SPATA31D1: variants seen among roughly 807,000 people sequenced by gnomAD.
SPATA31D1 encodes the protein SPATA31 subfamily D member 1.
Under a neutral mutation model 13.2 loss-of-function variants are expected in SPATA31D1, and 6 were observed. That is an observed-to-expected ratio of 0.46 (90% CI 0.25 to 0.90). The LOEUF (loss-of-function observed/expected upper bound fraction) is 0.90. Ranked by LOEUF, SPATA31D1 falls within the 40% of genes least tolerant of loss-of-function variation. The pLI, the probability that SPATA31D1 is intolerant of heterozygous loss-of-function variation, is 0.18. For missense variants in SPATA31D1, 2,445 were observed against 1,884.7 expected (o/e 1.30, Z -5.50); for synonymous variants, 903 against 718.8 (o/e 1.26, Z -4.10).
Position 81,990,435 on chromosome 9 carries a change from G to C in SPATA31D1, c.251G>C (p.Ser84Thr), listed in dbSNP as rs367877053. Residue 84 changes from serine (S) to threonine (T), a missense_variant, in exon 3 of 4, where the codon AGT (serine) becomes ACT (threonine). By Grantham distance (58) the Ser-to-Thr change is moderately conservative (BLOSUM62 1). Transcript: ENST00000344803. ...TATTCAGGTTTCCCAGACTGGAAAA[G>C]TTTCCAGAGAGAAGAGGAAGAGGAA... Reference protein sequence around the residue: ...GTFKGFPDWKSFQREEEEERK... With the variant: ...GTFKGFPDWKTFQREEEEERK... 2.1e-4 allele frequency: 340 copies of C among 1,608,074 alleles called. No individual in the cohort carries two copies. The highest frequency in any genetic ancestry group is 2.7e-4 in the Non-Finnish European group (320 of 1,177,174).
At chr9:81,988,035 T>TCCACCAATCAACTATTAATTCCAGAGGCC (rs1824885414), upstream of SPATA31D1, among the ~76,000 whole-genome samples, 1 of 152,198 alleles carries the variant, frequency 6.6e-6, no homozygotes, top group South Asian at 2.1e-4. Context: ...CCGCTTTCCT[T>TCCACCAATCAACTATTAATTCCAGAGGCC]CCACCAATCA....
At position 81,994,823 on chromosome 9, in the gene SPATA31D1, A is replaced by G. The variant is rs1825064354; in HGVS notation, c.4353A>G (p.Ala1451=). The part of the protein sequence containing the change: ...AQHNPEVHVR[A]EPVQGCPCNY... ...ACAACCCAGAAGTGCATGTCAGAGC[A>G]GAGCCTGTCCAGGGCTGTCCCTGCA... The change falls in exon 4 of 4, where the codon GCA becomes GCG. Residue 1451 remains alanine (A), a synonymous_variant. Coordinates refer to ENST00000344803, the MANE Select transcript of SPATA31D1 (RefSeq NM_001001670.3). The G allele has an allele frequency of 6.2e-7, 1 of 1,613,992 alleles. No homozygotes were observed. The highest frequency in any genetic ancestry group is 8.5e-7 in the Non-Finnish European group (1 of 1,179,878).
rs770278969 is a variant in SPATA31D1, at chr9:81,992,015, G to C, written c.1545G>C (p.Leu515=). Residue 515 remains leucine (L), a synonymous_variant, in exon 4 of 4, where the codon CTG becomes CTC. Transcript: ENST00000344803. The stretch of plus-strand genomic sequence containing the variant: ...TCCCATCTTTGCACAGCGAGTCTCT[G>C]CATCCTACTGTTCTTGTCCAACGTG... ...WGLPSLHSES[L]HPTVLVQRGH... 1.9e-6 allele frequency: 3 copies of C among 1,613,756 alleles called. No individual in the cohort carries two copies. Among genetic ancestry groups the C allele is most frequent in the South Asian group, 2.2e-5 (2 of 91,068 alleles).
chr9:81,993,712 C>T lies in SPATA31D1; in HGVS notation c.3242C>T (p.Thr1081Ile), dbSNP rs1825031288. The change falls in exon 4 of 4, where the codon ACA (threonine) becomes ATA (isoleucine). Residue 1081 changes from threonine (T) to isoleucine (I), a missense_variant. By Grantham distance (89) the Thr-to-Ile change is moderately conservative (BLOSUM62 -1). Coordinates refer to ENST00000344803, the MANE Select transcript of SPATA31D1 (RefSeq NM_001001670.3). ...AATGATCTTACAGAAAGTGTCCGGA[C>T]AACAGAGGATGGCAGACAGACTTTT... is the stretch of plus-strand genomic sequence containing the variant. ...TDNDLTESVRTTEDGRQTFLP... is the reference protein window; with the variant it reads ...TDNDLTESVRITEDGRQTFLP... 6.2e-7 allele frequency: 1 copy of T among 1,613,868 alleles called. No homozygotes were observed. The highest frequency in any genetic ancestry group is 1.1e-5 in the South Asian group (1 of 91,082).
Position 81,990,469 on chromosome 9 carries a change from G to T in SPATA31D1, c.285G>T (p.Leu95=), listed in dbSNP as rs369571227. Residue 95 remains leucine (L), a synonymous_variant, in exon 3 of 4, where the codon CTG becomes CTT. Coordinates refer to ENST00000344803, the MANE Select transcript of SPATA31D1 (RefSeq NM_001001670.3). ...GAGAAGAGGAAGAGGAAAGGAAGCT[G>T]CTTTCTCTTCTGAAAAGGTGATTAA... The part of the protein sequence containing the change: ...FQREEEEERK[L]LSLLKSFGPP... 5 of 1,607,338 alleles carry T rather than the reference G, an allele frequency of 3.1e-6. No homozygotes were observed. Among genetic ancestry groups the T allele is most frequent in the South Asian group, 1.1e-5 (1 of 89,394 alleles).
chr9:81,994,074 A>G lies in SPATA31D1; in HGVS notation c.3604A>G (p.Asn1202Asp). 1 of 1,613,848 alleles carries G rather than the reference A, an allele frequency of 6.2e-7. No homozygotes were observed. Among genetic ancestry groups the G allele is most frequent in the Admixed American group, 1.7e-5 (1 of 60,012 alleles). Residue 1202 changes from asparagine to aspartate, a missense_variant, in exon 4 of 4, where the codon AAT becomes GAT. Coordinates refer to ENST00000344803, the MANE Select transcript of SPATA31D1 (RefSeq NM_001001670.3). ...PQDPKSSYLK[N>D]QMLSQLKLVQ... Reference sequence around the variant, plus strand: ...AGATCCTAAATCATCATACCTTAAAAATCAGATGTTGAGCCAGTTAAAGTT... The same window carrying G: ...AGATCCTAAATCATCATACCTTAAAGATCAGATGTTGAGCCAGTTAAAGTT...
Position 81,992,459 on chromosome 9 carries a change from C to T in SPATA31D1, c.1989C>T (p.Ser663=), listed in dbSNP as rs769320705. 2.0e-5 allele frequency: 32 copies of T among 1,612,260 alleles called. No individual in the cohort carries two copies. Among genetic ancestry groups the T allele is most frequent in the Non-Finnish European group, 2.6e-5 (31 of 1,179,744 alleles). Reference sequence around the variant, plus strand: ...CCAATCCTGAATTGGTCAGAAAGTCCTTCAAGGTCCATGTTCCGATCTCCA... The same window carrying T: ...CCAATCCTGAATTGGTCAGAAAGTCTTTCAAGGTCCATGTTCCGATCTCCA... ...PAPNPELVRK[S]FKVHVPISII... Residue 663 remains serine (S), a synonymous_variant, in exon 4 of 4, where the codon TCC becomes TCT. Coordinates refer to ENST00000344803, the MANE Select transcript of SPATA31D1 (RefSeq NM_001001670.3).
rs1226329082 is a variant in SPATA31D1, at chr9:81,990,558, G to A, written c.302+72G>A. 4.1e-6 allele frequency: 6 copies of A among 1,463,968 alleles called. No individual in the cohort carries two copies. In the East Asian group the frequency reaches 1.5e-4, roughly 36 times the overall value. The allele number at this position is 1,463,968 out of a possible 1,614,324, so 90.7% of individuals were successfully genotyped here. A position where few individuals can be genotyped will look rare whatever the true frequency, so the allele number is the denominator to read the frequency against. ...TCTTTAGTACGTTCTATTCATTTCA[G>A]GGATTCCTTGTAGCCTGCTGTAGTT... On this transcript the variant is annotated intron_variant, in intron 3 of 3. Coordinates refer to ENST00000344803, the MANE Select transcript of SPATA31D1 (RefSeq NM_001001670.3).
At chr9:81,990,028 G>A (rs1321940569) in intron 2 of SPATA31D1, 18 of 594,766 alleles carry the variant, frequency 3.0e-5, no homozygotes, top group Middle Eastern at 9.3e-4. Flanking sequence ...GCAGGACAAA[G>A]TGATGGACCT....
In SPATA31D1 at chr9:81,991,354, A is replaced by T. The variant is rs755897741; in HGVS notation, c.884A>T (p.His295Leu). Residue 295 changes from histidine (H) to leucine (L), a missense_variant, in exon 4 of 4, where the codon CAT becomes CTT. Physicochemically the swap from His to Leu is moderately conservative, Grantham distance 99. Transcript: ENST00000344803. ...AMNPIDSCARHHGPPIPSALP... is the reference protein window; with the variant it reads ...AMNPIDSCARLHGPPIPSALP... ...AATCCCATTGATTCTTGTGCTCGTC[A>T]TCACGGACCACCAATCCCATCTGCT... 3 of 1,614,034 alleles carry T rather than the reference A, an allele frequency of 1.9e-6. No homozygotes were observed. In the South Asian group the frequency reaches 3.3e-5, roughly 18 times the overall value.
chr9:81,992,219 A>T lies in SPATA31D1; in HGVS notation c.1749A>T (p.Gln583His). ...PHLTQVKSLA[Q>H]PQSPFRALLP... ...TCACTCAGGTGAAGTCCCTGGCTCA[A>T]CCTCAATCTCCATTCCGAGCCCTAC... Residue 583 changes from glutamine (Q) to histidine (H), a missense_variant, in exon 4 of 4, where the codon CAA (glutamine) becomes CAT (histidine). Gln to His is a conservative substitution (Grantham distance 24, BLOSUM62 0). Coordinates refer to ENST00000344803, the MANE Select transcript of SPATA31D1 (RefSeq NM_001001670.3). 1 of 1,613,636 alleles carries T rather than the reference A, an allele frequency of 6.2e-7. No individual in the cohort carries two copies. The highest frequency in any genetic ancestry group is 8.5e-7 in the Non-Finnish European group (1 of 1,179,708).
Position 81,991,647 on chromosome 9 carries a change from C to T in SPATA31D1, c.1177C>T (p.His393Tyr), listed in dbSNP as rs376349964. The change falls in exon 4 of 4, where the codon CAC (histidine) becomes TAC (tyrosine). Residue 393 changes from histidine (H) to tyrosine (Y), a missense_variant. His to Tyr is a moderately conservative substitution (Grantham distance 83, BLOSUM62 2). Transcript: ENST00000344803. The part of the protein sequence containing the change: ...LHSSEAFLGG[H>Y]SVANLIEPVN... Reference sequence around the variant, plus strand: ...TTCTTCTGAGGCCTTTTTAGGGGGGCACTCTGTGGCCAACCTCATAGAGCC... The same window carrying T: ...TTCTTCTGAGGCCTTTTTAGGGGGGTACTCTGTGGCCAACCTCATAGAGCC... 4.3e-6 allele frequency: 7 copies of T among 1,613,778 alleles called. No individual in the cohort carries two copies. The African/African-American group carries it at 5.3e-5, about 12-fold the overall frequency.
upstream of SPATA31D1, chr9:81,988,676 G>C (rs556584736): frequency 3.7e-6 from 5 of 1,366,104 alleles, no homozygotes; most frequent in East Asian, 7.5e-5. Flanking sequence ...TTGGGGCTGT[G>C]GACACACCCT....
rs1824963030 is a variant in SPATA31D1 at position 81,991,520 on chromosome 9, C to A, written c.1050C>A (p.His350Gln). Residue 350 changes from histidine (H) to glutamine (Q), a missense_variant, in exon 4 of 4, where the codon CAC (histidine) becomes CAA (glutamine). By Grantham distance (24) the His-to-Gln change is conservative (BLOSUM62 0). Coordinates refer to ENST00000344803, the MANE Select transcript of SPATA31D1 (RefSeq NM_001001670.3). ...CAATCAAAGGCATTGACCATTCACA[C>A]CTTGCATCTTCAGAATTCACCTGGT... ...APTIKGIDHSHLASSEFTWWQ... is the reference protein window; with the variant it reads ...APTIKGIDHSQLASSEFTWWQ... 1.2e-6 allele frequency: 2 copies of A among 1,613,918 alleles called. No homozygotes were observed. The highest frequency in any genetic ancestry group is 8.5e-7 in the Non-Finnish European group (1 of 1,179,910).
rs773766968 is a variant in SPATA31D1, at chr9:81,993,764, C to T, written c.3294C>T (p.Asp1098=). Residue 1098 remains aspartate, a synonymous_variant, in exon 4 of 4, where the codon GAC becomes GAT. Coordinates refer to ENST00000344803, the MANE Select transcript of SPATA31D1 (RefSeq NM_001001670.3). ...TFLPPPHSIV[D]EVSQKQTVLA... ...TGCCCCCGCCACACAGCATCGTAGA[C>T]GAAGTCAGTCAGAAACAGACTGTAC... is the stretch of plus-strand genomic sequence containing the variant. The T allele has an allele frequency of 2.2e-5, 36 of 1,613,864 alleles. No individual in the cohort carries two copies. Among genetic ancestry groups the T allele is most frequent in the African/African-American group, 5.3e-5 (4 of 74,910 alleles).
At position 81,989,715 on chromosome 9, in the gene SPATA31D1, T is replaced by C. The variant is rs1824914757; in HGVS notation, c.187-63T>C. ...ATGAATGAATGAATGAATGAATGAATGAGCTTCATAGAGAGTGAGAGAAGT... is the reference window on the plus strand; with the variant it reads ...ATGAATGAATGAATGAATGAATGAACGAGCTTCATAGAGAGTGAGAGAAGT... On this transcript the variant is annotated intron_variant, in intron 1 of 3. Transcript: ENST00000344803. 4.2e-6 allele frequency: 6 copies of C among 1,435,660 alleles called. No individual in the cohort carries two copies. In the East Asian group the frequency reaches 6.9e-5, roughly 16 times the overall value. 88.9% of individuals were successfully genotyped at this position (1,435,660 alleles called of 1,614,324 possible).
chr9:81,994,965 C>T lies in SPATA31D1; in HGVS notation c.4495C>T (p.Pro1499Ser). 2.5e-6 allele frequency: 4 copies of T among 1,613,890 alleles called. No individual in the cohort carries two copies. The highest frequency in any genetic ancestry group is 3.4e-6 in the Non-Finnish European group (4 of 1,179,840). Residue 1499 changes from proline (P) to serine (S), a missense_variant, in exon 4 of 4, where the codon CCC (proline) becomes TCC (serine). Pro to Ser is a moderately conservative substitution (Grantham distance 74, BLOSUM62 -1). Transcript: ENST00000344803. ...IRQIIDKDRQ[P>S]QKVEAFKGKI... ...ACAGATCATAGACAAGGACAGACAG[C>T]CCCAGAAAGTTGAGGCATTTAAGGG...
At chr9:81,990,086 G>A (rs1824921569) in intron 2 of SPATA31D1, 4 of 522,836 alleles carry the variant, frequency 7.7e-6, no homozygotes, top group Non-Finnish European at 1.4e-5. Flanking sequence ...TATCCAGGAG[G>A]GACTGCTGGT....
chr9:81,993,934 CA>C lies in SPATA31D1; in HGVS notation c.3465del (p.Gln1156LysfsTer6), dbSNP rs1825038264. The C allele has an allele frequency of 1.9e-6, 3 of 1,613,860 alleles. No individual in the cohort carries two copies. The highest frequency in any genetic ancestry group is 2.5e-6 in the Non-Finnish European group (3 of 1,179,786). ...TTTCCTGTCACCAATGCTCTTCAAT[CA>C]CAAACTAGGAACAACTTGACAACCA... ...KTFPVTNALQSQTRNNLTTSK... is the reference protein window; with the variant it reads ...KTFPVTNALQXQTRNNLTTSK... On this transcript the variant is annotated frameshift_variant, in exon 4 of 4. Transcript: ENST00000344803. LOFTEE classifies it low-confidence loss of function (END_TRUNC).
Sources: allele counts gnomAD v4.1 joint callset (sites outside exome capture counted in the v4.1 genomes callset), GRCh38; gene constraint gnomAD v4.1.1; transcripts MANE v1.5; gene names NCBI Gene and HGNC (gene_info 2026-07-23, HGNC 2026-07-21).